CFAP61: variants seen among roughly 807,000 people sequenced by gnomAD.
The protein encoded by CFAP61 is cilia and flagella associated protein 61.
A neutral mutation model predicts 135.6 loss-of-function variants in CFAP61; 107 were observed. The ratio of observed to expected loss-of-function variants is 0.79; its 90% CI spans 0.67 to 0.93. CFAP61 has a LOEUF of 0.93. Among genes scored for constraint, CFAP61 ranks in the 40% least tolerant of loss-of-function variants. The pLI is 0.00. For synonymous variants in CFAP61, 575 were observed against 578.5 expected, an observed-to-expected ratio of 0.99 and a Z score of 0.09; for missense variants, 1,507 against 1,556.2, an observed-to-expected ratio of 0.97 and a Z score of 0.53.
intron 2 of CFAP61, among the ~76,000 whole-genome samples, chr20:20,070,353 T>C (rs891749535): frequency 6.6e-6 from 1 of 152,186 alleles, no homozygotes; most frequent in Non-Finnish European, 1.5e-5. Flanking sequence ...GTAACTGAGA[T>C]GGAGCTAGAC....
chr20:20,091,066 G>A (rs527571035), intron 7 of CFAP61, 90 bp downstream of exon 7: 1 of 1,476,976 alleles, frequency 6.8e-7, no homozygotes, highest in African/African-American at 1.4e-5. Flanking sequence ...CACCCCTGGA[G>A]CTGCCATTGT....
At chr20:20,333,623 G>A (rs569880361) in intron 25 of CFAP61, among the ~76,000 whole-genome samples, 17 of 152,274 alleles carry the variant, frequency 1.1e-4, no homozygotes, top group East Asian at 9.6e-4. Flanking sequence ...GGCTAGATTC[G>A]TAATTCATGA....
intron 18 of CFAP61, among the ~76,000 whole-genome samples, chr20:20,235,786 A>G (rs1325210634): frequency 6.6e-6 from 1 of 152,224 alleles, no homozygotes; most frequent in African/African-American, 2.4e-5. Flanking sequence ...TTTGGAAGGG[A>G]AGCCCAGAAA....
intron 26 of CFAP61, among the ~76,000 whole-genome samples, chr20:20,357,891 AGT>A (rs2059300026): frequency 7.0e-6 from 1 of 143,474 alleles, no homozygotes; most frequent in Non-Finnish European, 1.5e-5. Flanking sequence ...AGGTGGTCAT[AGT>A]GTGAGGGGAG....
chr20:20,304,523 G>A (rs954406331), intron 25 of CFAP61, among the ~76,000 whole-genome samples: 1 of 151,218 alleles, frequency 6.6e-6, no homozygotes, highest in African/African-American at 2.4e-5. Context: ...TCACACGTGT[G>A]CACACACTCA....
intron 21 of CFAP61, among the ~76,000 whole-genome samples, chr20:20,264,292 T>G (rs1303134135): frequency 6.6e-6 from 1 of 152,136 alleles, no homozygotes; most frequent in Non-Finnish European, 1.5e-5. Context: ...ACAAAGCATT[T>G]TTGGAAGCTC....
In CFAP61 at chr20:20,056,804, G is replaced by T. The variant is rs1451369735; in HGVS notation, c.143+8G>T. The T allele has an allele frequency of 6.2e-7, 1 of 1,613,616 alleles. No homozygotes were observed. The highest frequency in any genetic ancestry group is 1.3e-5 in the African/African-American group (1 of 74,984). ...AAATATCATCTATCTTCTGTAAGTAGATAACTAAGTTCAAGAATGTTCATC... is the reference window on the plus strand; with the variant it reads ...AAATATCATCTATCTTCTGTAAGTATATAACTAAGTTCAAGAATGTTCATC... On this transcript the variant is annotated splice_region_variant and intron_variant, in intron 2 of 26. Transcript: ENST00000245957.
At chr20:20,082,404 A>G (rs2046494439) in intron 6 of CFAP61, among the ~76,000 whole-genome samples, 2 of 152,218 alleles carry the variant, frequency 1.3e-5, no homozygotes, top group Non-Finnish European at 2.9e-5. Context: ...CTACTTAGAC[A>G]GTAATTAGTG....
intron 19 of CFAP61, among the ~76,000 whole-genome samples, chr20:20,249,328 G>A (rs6515092): frequency 0.086 from 13,049 of 151,972 alleles, 652 homozygotes; most frequent in Middle Eastern, 0.15. Context: ...TTGTGCCCAG[G>A]AGTTGAAGAC....
At chr20:20,110,088 A>G (rs924267354) in intron 8 of CFAP61, among the ~76,000 whole-genome samples, 2 of 151,840 alleles carry the variant, frequency 1.3e-5, no homozygotes, top group African/African-American at 4.8e-5. Flanking sequence ...TGGTATTTTT[A>G]GTAGAGACGG....
intron 25 of CFAP61, among the ~76,000 whole-genome samples, chr20:20,304,850 G>A (rs1227298154): frequency 2.0e-5 from 3 of 151,856 alleles, no homozygotes; most frequent in Non-Finnish European, 2.9e-5. Flanking sequence ...GTGTCTTCTC[G>A]GCTTTCCTGA....
At chr20:20,162,225 G>T (rs2053460956) in intron 10 of CFAP61, among the ~76,000 whole-genome samples, 1 of 151,912 alleles carries the variant, frequency 6.6e-6, no homozygotes, top group Non-Finnish European at 1.5e-5. Context: ...GATTCCTCTG[G>T]GCCCACCCGG....
rs748564525 is a variant in CFAP61 at position 20,277,340 on chromosome 20, C to A, written c.2678C>A (p.Ala893Asp). Residue 893 changes from alanine (A) to aspartate (D), a missense_variant, in exon 22 of 27, where the codon GCC (alanine) becomes GAC (aspartate). Physicochemically the swap from Ala to Asp is moderately radical, Grantham distance 126. Transcript: ENST00000245957. ...ESAVADALGA[A>D]GVTMYRDAIL... ...GCCGTGGCGGACGCGCTAGGAGCCG[C>A]CGGAGTCACTATGTACCGGGATGCG... The A allele has an allele frequency of 6.2e-7, 1 of 1,614,184 alleles. No homozygotes were observed. Among genetic ancestry groups the A allele is most frequent in the Admixed American group, 1.7e-5 (1 of 60,030 alleles).
At chr20:20,196,385 T>C (rs143478390) in intron 15 of CFAP61, among the ~76,000 whole-genome samples, 185 bp from the exon 16 acceptor site, 205 of 152,254 alleles carry the variant, frequency 1.3e-3, no homozygotes, top group African/African-American at 4.5e-3. Context: ...TCAGAACAAC[T>C]AGCACTCAGG....
intron 13 of CFAP61, among the ~76,000 whole-genome samples, chr20:20,178,589 A>G (rs2054807900): frequency 6.6e-6 from 1 of 152,224 alleles, no homozygotes; most frequent in Non-Finnish European, 1.5e-5. Flanking sequence ...TTTTTTATAA[A>G]TAAATATTTA....
intron 19 of CFAP61, among the ~76,000 whole-genome samples, chr20:20,248,550 G>A (rs550291771): frequency 1.3e-5 from 2 of 152,332 alleles, no homozygotes; most frequent in South Asian, 4.1e-4. Flanking sequence ...CAGCCGAAAG[G>A]AAGGCAGTGG....
intron 17 of CFAP61, among the ~76,000 whole-genome samples, chr20:20,217,488 A>G (rs1371580418): frequency 6.6e-6 from 1 of 152,206 alleles, no homozygotes; most frequent in Non-Finnish European, 1.5e-5. Context: ...AGGAGTGAAA[A>G]TGGTGGCAAG....
At chr20:20,272,416 ACT>A (rs1301582435) in intron 21 of CFAP61, among the ~76,000 whole-genome samples, 1 of 151,890 alleles carries the variant, frequency 6.6e-6, no homozygotes, top group Non-Finnish European at 1.5e-5. Context: ...ACAGAGTGAG[ACT>A]CTGTCTTGAA....
At chr20:20,078,749 A>C (rs2046230619) in intron 6 of CFAP61, among the ~76,000 whole-genome samples, 1 of 152,210 alleles carries the variant, frequency 6.6e-6, no homozygotes, top group Admixed American at 6.5e-5. Flanking sequence ...AAGACTCATA[A>C]AGTGGCAAAA....
Sources: gnomAD v4.1 joint callset for allele counts (sites outside exome capture counted in the v4.1 genomes callset) on GRCh38, gnomAD v4.1.1 for gene constraint, MANE v1.5 for transcripts, NCBI Gene and HGNC (gene_info 2026-07-23, HGNC 2026-07-21) for gene names.